CRTAM: variants seen among roughly 807,000 people sequenced by gnomAD.
The protein encoded by CRTAM is cytotoxic and regulatory T cell molecule, also known as cytotoxic and regulatory T-cell molecule.
CRTAM carries 44 observed loss-of-function variants against 50.0 expected under a neutral mutation model. That is an observed-to-expected ratio of 0.88 (90% CI 0.69 to 1.13). CRTAM has a LOEUF of 1.13. CRTAM is among the 50% of genes most tolerant of loss of function. The pLI, the probability that CRTAM is intolerant of heterozygous loss-of-function variation, is 0.00. For synonymous variants in CRTAM, 159 were observed against 169.3 expected, an observed-to-expected ratio of 0.94 and a Z score of 0.47; for missense variants, 448 against 457.5, an observed-to-expected ratio of 0.98 and a Z score of 0.19.
rs998194363 is a variant in CRTAM, at chr11:122,871,651, G to A, written c.*252G>A. The A allele has an allele frequency of 4.1e-6, 1 of 244,790 alleles. No individual in the cohort carries two copies. The highest frequency in any genetic ancestry group is 7.7e-6 in the Non-Finnish European group (1 of 129,244). The allele number at this position is 244,790 out of a possible 1,614,324, so 15.2% of individuals were successfully genotyped here. A position where few individuals can be genotyped will look rare whatever the true frequency, so the allele number is the denominator to read the frequency against. ...TGCCTGACACTACTTCAGAGCAGGAGGATTCTACGAAGCCTTGGGGATCAG... is the reference window on the plus strand; with the variant it reads ...TGCCTGACACTACTTCAGAGCAGGAAGATTCTACGAAGCCTTGGGGATCAG... On this transcript the variant is annotated 3_prime_UTR_variant, in exon 10 of 10. Coordinates refer to ENST00000227348, the MANE Select transcript of CRTAM (RefSeq NM_019604.4).
intron 7 of CRTAM, among the ~76,000 whole-genome samples, chr11:122,866,557 C>T (rs1862177738): frequency 6.6e-6 from 1 of 151,482 alleles, no homozygotes; most frequent in Non-Finnish European, 1.5e-5. Context: ...GTGACTAGGA[C>T]ATTTAGCAAG....
chr11:122,868,673 C>A (rs939688913), intron 9 of CRTAM, among the ~76,000 whole-genome samples: 1 of 152,192 alleles, frequency 6.6e-6, no homozygotes, highest in Non-Finnish European at 1.5e-5. Flanking sequence ...ATCCACCCAA[C>A]TTAACACTTA....
intron 1 of CRTAM, among the ~76,000 whole-genome samples, chr11:122,849,253 A>C (rs1486867377): frequency 6.6e-6 from 1 of 152,200 alleles, no homozygotes; most frequent in Non-Finnish European, 1.5e-5. Flanking sequence ...GAGGCCAGAA[A>C]GGTTGCATTT....
intron 6 of CRTAM, 140 bp from the exon 7 acceptor site, chr11:122,864,496 C>A: frequency 1.8e-6 from 1 of 555,468 alleles, no homozygotes; most frequent in Non-Finnish European, 3.2e-6. Flanking sequence ...GCAAGAAATC[C>A]ATAGTTCACA....
At chr11:122,854,159 C>T in intron 4 of CRTAM, 73 bp downstream of exon 4, 5 of 1,502,512 alleles carry the variant, frequency 3.3e-6, no homozygotes, top group Non-Finnish European at 3.6e-6. Flanking sequence ...TGTTTTGGCA[C>T]CCTCTAGTGG....
intron 5 of CRTAM, among the ~76,000 whole-genome samples, chr11:122,856,212 T>G (rs1022055012): frequency 2.0e-5 from 3 of 152,264 alleles, no homozygotes; most frequent in Non-Finnish European, 1.5e-5. Flanking sequence ...GGAGATAATG[T>G]TAGCTGAAAT....
intron 1 of CRTAM, among the ~76,000 whole-genome samples, chr11:122,849,439 G>A (rs1350771135): frequency 4.6e-5 from 7 of 152,098 alleles, no homozygotes; most frequent in Non-Finnish European, 4.4e-5. Flanking sequence ...AATTAAATTC[G>A]GGTTGGGTGC....
At chr11:122,843,313 G>C (rs1217159896) in intron 1 of CRTAM, among the ~76,000 whole-genome samples, 1 of 152,166 alleles carries the variant, frequency 6.6e-6, no homozygotes, top group East Asian at 1.9e-4. Context: ...ATAGCCCCAG[G>C]ATCAGCTAGC....
At chr11:122,841,321 G>A (rs1861794604) in intron 1 of CRTAM, among the ~76,000 whole-genome samples, 2 of 152,042 alleles carry the variant, frequency 1.3e-5, no homozygotes, top group African/African-American at 4.8e-5. Flanking sequence ...CTTAGCCCTA[G>A]TCTTTATTAT....
At chr11:122,853,497 T>G (rs751330646) in intron 3 of CRTAM, among the ~76,000 whole-genome samples, 4 of 152,088 alleles carry the variant, frequency 2.6e-5, no homozygotes, top group Non-Finnish European at 5.9e-5. Context: ...GAAAGCCCTT[T>G]AACATGACTG....
intron 4 of CRTAM, 149 bp downstream of exon 4, chr11:122,854,235 A>G: frequency 1.3e-6 from 1 of 750,534 alleles, no homozygotes. Context: ...TATTCTTACA[A>G]CCAATCAATT....
At chr11:122,843,962 G>A (rs1463844344) in intron 1 of CRTAM, among the ~76,000 whole-genome samples, 1 of 152,080 alleles carries the variant, frequency 6.6e-6, no homozygotes, top group Non-Finnish European at 1.5e-5. Flanking sequence ...TCGAACATGG[G>A]GTCTACATGA....
intron 2 of CRTAM, 152 bp from the exon 3 acceptor site, chr11:122,851,541 T>C (rs1861929231): frequency 5.8e-6 from 4 of 695,384 alleles, no homozygotes; most frequent in African/African-American, 1.8e-5. Context: ...CGGAATGATC[T>C]TACCTTCCCG....
chr11:122,867,600 A>G, intron 8 of CRTAM, 45 bp downstream of exon 8: 1 of 1,575,192 alleles, frequency 6.3e-7, no homozygotes, highest in African/African-American at 1.4e-5. Flanking sequence ...ACGCCAGAAC[A>G]AATGGCTAAA....
intron 7 of CRTAM, among the ~76,000 whole-genome samples, chr11:122,866,622 T>A (rs77947214): frequency 1.4e-5 from 2 of 142,432 alleles, no homozygotes; most frequent in Admixed American, 1.4e-4. Context: ...TTTTTTTTTT[T>A]AAGAGACAGG....
chr11:122,843,894 G>C (rs1323492746), intron 1 of CRTAM, among the ~76,000 whole-genome samples: 1 of 152,172 alleles, frequency 6.6e-6, no homozygotes, highest in Non-Finnish European at 1.5e-5. Flanking sequence ...AGCTGGGTGG[G>C]TCTGTGGCTT....
chr11:122,859,631 A>T (rs985055056), intron 5 of CRTAM, among the ~76,000 whole-genome samples: 3 of 152,222 alleles, frequency 2.0e-5, no homozygotes, highest in Admixed American at 6.5e-5. Flanking sequence ...ATAATTGGAA[A>T]AGGGTAGAAT....
In CRTAM at chr11:122,871,534, A is replaced by C. The variant is rs1464742127; in HGVS notation, c.*135A>C. ...GCAATGCAAGATGGTGTCCTCGGAT[A>C]ATGATCTGCCCCGGAGCTAGGGCAG... is the stretch of plus-strand genomic sequence containing the variant. On this transcript the variant is annotated 3_prime_UTR_variant, in exon 10 of 10. Coordinates refer to ENST00000227348, the MANE Select transcript of CRTAM (RefSeq NM_019604.4). The C allele has an allele frequency of 6.1e-6, 4 of 653,108 alleles. No individual in the cohort carries two copies. The East Asian group carries it at 1.3e-4, about 21-fold the overall frequency. The allele number at this position is 653,108 out of a possible 1,614,324, so 40.5% of individuals were successfully genotyped here. A position where few individuals can be genotyped will look rare whatever the true frequency, so the allele number is the denominator to read the frequency against.
At chr11:122,870,224 G>A (rs1242529953) in intron 9 of CRTAM, among the ~76,000 whole-genome samples, 1 of 152,074 alleles carries the variant, frequency 6.6e-6, no homozygotes, top group Non-Finnish European at 1.5e-5. Context: ...GGGACTACAG[G>A]CACGCACCAC....
Sources: gnomAD v4.1 joint callset for allele counts (sites outside exome capture counted in the v4.1 genomes callset) on GRCh38, gnomAD v4.1.1 for gene constraint, MANE v1.5 for transcripts, NCBI Gene and HGNC (gene_info 2026-07-23, HGNC 2026-07-21) for gene names.